ANO3: variants seen among roughly 807,000 people sequenced by gnomAD.
ANO3 encodes anoctamin-3.
ANO3 carries 99 observed loss-of-function variants against 144.8 expected under a neutral mutation model. The ratio of observed to expected loss-of-function variants is 0.68; its 90% CI spans 0.58 to 0.81. ANO3 has a LOEUF of 0.81. ANO3 is among the 30% of genes least tolerant of loss of function. The pLI, the probability that ANO3 is intolerant of heterozygous loss-of-function variation, is 0.00. For missense variants in ANO3, 905 were observed against 1,202.2 expected (o/e 0.75, Z 3.66); for synonymous variants, 414 against 392.6 (o/e 1.05, Z -0.64).
chr11:26,559,655 C>A, intron 13 of ANO3, 64 bp from the exon 14 acceptor site: 1 of 1,134,072 alleles, frequency 8.8e-7, no homozygotes, highest in Non-Finnish European at 1.3e-6. Context: ...TGAGTGCAAA[C>A]AGTATTCACT....
At chr11:26,518,575 T>A (rs1861947675) in intron 6 of ANO3, among the ~76,000 whole-genome samples, 1 of 152,022 alleles carries the variant, frequency 6.6e-6, no homozygotes. Context: ...CTTTCTATCT[T>A]ATGATTATAG....
At chr11:26,658,631 T>C (rs1309379171) in intron 26 of ANO3, among the ~76,000 whole-genome samples, 1 of 152,124 alleles carries the variant, frequency 6.6e-6, no homozygotes, top group African/African-American at 2.4e-5. Flanking sequence ...TATACTGAAT[T>C]ATTTTTTGCT....
At chr11:26,237,198 G>A (rs112868227) in intron 1 of ANO3, among the ~76,000 whole-genome samples, 71 of 152,132 alleles carry the variant, frequency 4.7e-4, no homozygotes, top group African/African-American at 1.7e-3. Context: ...TATTTAATTT[G>A]CTGTACACTG....
intron 17 of ANO3, among the ~76,000 whole-genome samples, chr11:26,621,883 C>T (rs780350515): frequency 1.3e-5 from 2 of 152,002 alleles, no homozygotes; most frequent in African/African-American, 2.4e-5. Context: ...AGGTAGGGCC[C>T]GGAATAGTTA....
chr11:26,608,704 C>T (rs577524291), intron 17 of ANO3, among the ~76,000 whole-genome samples: 2 of 152,222 alleles, frequency 1.3e-5, no homozygotes, highest in Admixed American at 6.5e-5. Context: ...AGGGTAAGGC[C>T]TGAAGAGGTA....
intron 26 of ANO3, among the ~76,000 whole-genome samples, chr11:26,657,687 T>C (rs7933269): frequency 0.013 from 1,895 of 149,908 alleles, 47 homozygotes; most frequent in African/African-American, 0.043. Context: ...ACAAAAAAAA[T>C]ACATAGTATT....
rs1474951051 is a variant in ANO3 at position 26,647,830 on chromosome 11, T to G, written c.2550T>G (p.Cys850Trp). The G allele has an allele frequency of 1.2e-6, 2 of 1,612,938 alleles. No individual in the cohort carries two copies. Among genetic ancestry groups the G allele is most frequent in the East Asian group, 2.2e-5 (1 of 44,810 alleles). Residue 850 changes from cysteine to tryptophan, a missense_variant, in exon 24 of 27, where the codon TGT (cysteine) becomes TGG (tryptophan). Around this residue, in one of 4 missense-constraint regions of ANO3, gnomAD observed 597 missense variants for 865.1 expected, o/e 0.69. Coordinates refer to ENST00000256737, the MANE Select transcript of ANO3 (RefSeq NM_031418.4). ...RFVYEYKYGPCANHVEPSENC... is the reference protein window; with the variant it reads ...RFVYEYKYGPWANHVEPSENC... ...TTTATGAATACAAATATGGCCCCTGTGCAAATCATGTAGAACCAAGTGAAA... is the reference window on the plus strand; with the variant it reads ...TTTATGAATACAAATATGGCCCCTGGGCAAATCATGTAGAACCAAGTGAAA...
chr11:26,574,520 T>A (rs1484152327), intron 14 of ANO3, among the ~76,000 whole-genome samples: 1 of 152,146 alleles, frequency 6.6e-6, no homozygotes, highest in African/African-American at 2.4e-5. Flanking sequence ...GGGACATAGG[T>A]ACTTTAAGCA....
intron 8 of ANO3, among the ~76,000 whole-genome samples, chr11:26,532,406 C>T (rs76895468): frequency 0.13 from 20,283 of 151,510 alleles, 1,562 homozygotes; most frequent in Admixed American, 0.17. Flanking sequence ...ACATTCTACT[C>T]TTTTTTTTTA....
intron 5 of ANO3, among the ~76,000 whole-genome samples, chr11:26,509,756 C>A (rs2134139764): frequency 6.6e-6 from 1 of 152,238 alleles, no homozygotes; most frequent in Admixed American, 6.5e-5. Flanking sequence ...ATATTGGAAT[C>A]CCTTTACCCC....
chr11:26,583,782 C>A (rs1851198850), intron 14 of ANO3, among the ~76,000 whole-genome samples: 1 of 152,158 alleles, frequency 6.6e-6, no homozygotes. Context: ...TGAAAATAAA[C>A]CTGGGGAATG....
At chr11:26,469,919 T>A (rs57887869) in intron 4 of ANO3, among the ~76,000 whole-genome samples, 9,077 of 151,186 alleles carry the variant, frequency 0.06, 670 homozygotes, top group African/African-American at 0.18. Context: ...AAATTAGAAA[T>A]TGTTTATATC....
chr11:26,640,379 C>T (rs553693248), intron 21 of ANO3, among the ~76,000 whole-genome samples: 1 of 152,178 alleles, frequency 6.6e-6, no homozygotes, highest in Non-Finnish European at 1.5e-5. Context: ...AAGCAAATCT[C>T]TCCTAAACAA....
chr11:26,505,007 A>G (rs293949), intron 4 of ANO3, among the ~76,000 whole-genome samples: 3 of 71,198 alleles, frequency 4.2e-5, no homozygotes, highest in East Asian at 8.6e-4. Flanking sequence ...GCGAGACTCC[A>G]CCTCAAAAAA....
rs565103339 is a variant in ANO3 at position 26,653,140 on chromosome 11, A to G, written c.2577-2985A>G. Among the ~76,000 whole-genome samples, 36 of 152,252 alleles carry G rather than the reference A, an allele frequency of 2.4e-4. No individual in the cohort carries two copies. The South Asian group carries it at 7.3e-3, about 31-fold the overall frequency. On this transcript the variant is annotated intron_variant, in intron 24 of 26. Transcript: ENST00000256737. ...CAGTTTCATGGATCGATCTACGCTC[A>G]TACCTGAATTCTAGCCTTGAATATT...
At chr11:26,401,878 T>C (rs1186451173) in intron 1 of ANO3, among the ~76,000 whole-genome samples, 4 of 151,994 alleles carry the variant, frequency 2.6e-5, no homozygotes, top group Admixed American at 6.6e-5. Flanking sequence ...CATTGTAGAA[T>C]CTGGTACTTT....
At chr11:26,354,985 G>A (rs1855740965) in intron 1 of ANO3, among the ~76,000 whole-genome samples, 1 of 147,104 alleles carries the variant, frequency 6.8e-6, no homozygotes, top group Admixed American at 6.9e-5. Flanking sequence ...ATGTTTTCTT[G>A]TACTCAAGCT....
intron 1 of ANO3, among the ~76,000 whole-genome samples, chr11:26,281,956 T>C (rs903540825): frequency 4.6e-5 from 7 of 152,278 alleles, no homozygotes; most frequent in African/African-American, 1.7e-4. Flanking sequence ...TTAGTCATAA[T>C]TAAGATCCTC....
chr11:26,493,901 C>T (rs1860818589), intron 4 of ANO3, among the ~76,000 whole-genome samples: 1 of 152,068 alleles, frequency 6.6e-6, no homozygotes. Flanking sequence ...TTCTTTCAAG[C>T]CTGGAATTTG....
Sources: allele counts gnomAD v4.1 joint callset (sites outside exome capture counted in the v4.1 genomes callset), GRCh38; gene constraint gnomAD v4.1.1; regional missense constraint gnomAD v4.1.1; transcripts MANE v1.5; gene names NCBI Gene and HGNC (gene_info 2026-07-23, HGNC 2026-07-21).